FHIT: variants seen among roughly 807,000 people sequenced by gnomAD.
FHIT encodes the protein bis(5'-adenosyl)-triphosphatase.
FHIT carries 19 observed loss-of-function variants against 17.9 expected under a neutral mutation model. That is an observed-to-expected ratio of 1.06 (90% CI 0.74 to 1.56). The LOEUF (loss-of-function observed/expected upper bound fraction) is 1.56, where lower values mean the gene tolerates loss of function less well. Among genes scored for constraint, FHIT ranks in the 40% most tolerant of loss-of-function variants. FHIT has a pLI of 0.00. For missense variants in FHIT, 248 were observed against 189.2 expected (o/e 1.31, Z -1.82); for synonymous variants, 81 against 69.7 (o/e 1.16, Z -0.81).
intron 5 of FHIT, among the ~76,000 whole-genome samples, chr3:60,335,748 G>A (rs1440639390): frequency 1.3e-5 from 2 of 151,870 alleles, no homozygotes; most frequent in Non-Finnish European, 2.9e-5. Context: ...ATATTGGGTT[G>A]GATAAACTAT....
intron 1 of FHIT, among the ~76,000 whole-genome samples, chr3:61,212,623 C>T (rs1173463081): frequency 1.3e-5 from 2 of 152,088 alleles, no homozygotes; most frequent in African/African-American, 2.4e-5. Context: ...CAAGGCAGGC[C>T]AACATTCAGC....
chr3:60,107,369 A>G (rs1704470789), intron 5 of FHIT, among the ~76,000 whole-genome samples: 2 of 152,182 alleles, frequency 1.3e-5, no homozygotes, highest in African/African-American at 4.8e-5. Context: ...TTCTAATCTT[A>G]TCAGAATAAC....
At chr3:60,407,575 C>T (rs1349958058) in intron 5 of FHIT, among the ~76,000 whole-genome samples, 1 of 152,104 alleles carries the variant, frequency 6.6e-6, no homozygotes, top group East Asian at 1.9e-4. Flanking sequence ...AGTGCAGTGG[C>T]ATGATCTCAG....
At chr3:59,956,131 G>C (rs1707382152) in intron 7 of FHIT, among the ~76,000 whole-genome samples, 1 of 152,070 alleles carries the variant, frequency 6.6e-6, no homozygotes, top group African/African-American at 2.4e-5. Context: ...GCTTTTTGTA[G>C]AGCCAGGGCC....
intron 4 of FHIT, among the ~76,000 whole-genome samples, chr3:60,632,134 A>C (rs2039461033): frequency 6.6e-6 from 1 of 152,086 alleles, no homozygotes; most frequent in Admixed American, 6.6e-5. Flanking sequence ...TAAGTTTCAA[A>C]AATGGGGGAA....
intron 5 of FHIT, among the ~76,000 whole-genome samples, chr3:60,397,306 G>A (rs1490277486): frequency 1.3e-5 from 2 of 152,186 alleles, no homozygotes; most frequent in Admixed American, 1.3e-4. Flanking sequence ...GGAAAGCAGG[G>A]TAGGAAGGAA....
At chr3:61,090,724 G>A (rs192320351) in intron 2 of FHIT, among the ~76,000 whole-genome samples, 13 of 152,204 alleles carry the variant, frequency 8.5e-5, no homozygotes, top group African/African-American at 3.1e-4. Flanking sequence ...AAGAGGGAAA[G>A]GGATGATATA....
intron 3 of FHIT, among the ~76,000 whole-genome samples, chr3:60,995,467 G>A (rs1236560008): frequency 1.3e-5 from 2 of 152,146 alleles, no homozygotes; most frequent in Non-Finnish European, 2.9e-5. Flanking sequence ...AGCTGCCAAA[G>A]ATGAAGAGGG....
chr3:60,262,847 G>GA (rs1264444005), intron 5 of FHIT, among the ~76,000 whole-genome samples: 12 of 147,224 alleles, frequency 8.2e-5, no homozygotes, highest in East Asian at 5.9e-4. Flanking sequence ...AAAGTACAAA[G>GA]AAAAAAAGAT....
intron 3 of FHIT, among the ~76,000 whole-genome samples, chr3:60,892,575 T>C (rs1336407479): frequency 6.6e-6 from 1 of 152,232 alleles, no homozygotes; most frequent in Middle Eastern, 3.2e-3. Context: ...CAGAAGCAGC[T>C]ATCCTTTCTC....
chr3:60,674,695 C>T (rs2040581908), intron 4 of FHIT, among the ~76,000 whole-genome samples: 1 of 152,142 alleles, frequency 6.6e-6, no homozygotes, highest in South Asian at 2.1e-4. Context: ...ACTGAATGCC[C>T]AGGTTCTCAG....
chr3:60,672,908 C>G, intron 4 of FHIT, among the ~76,000 whole-genome samples: 1 of 14,510 alleles, frequency 6.9e-5, no homozygotes, highest in African/African-American at 1.9e-4. Flanking sequence ...TGTGTGTGTG[C>G]ATGCATGCTC....
intron 3 of FHIT, among the ~76,000 whole-genome samples, chr3:60,910,968 A>G (rs1331514651): frequency 1.3e-4 from 20 of 152,282 alleles, no homozygotes; most frequent in Admixed American, 1.3e-3. Context: ...ACCCACTTAC[A>G]AAGGGAAGAA....
intron 4 of FHIT, among the ~76,000 whole-genome samples, chr3:60,611,462 C>G (rs993602101): frequency 3.3e-5 from 5 of 152,120 alleles, no homozygotes; most frequent in Non-Finnish European, 7.4e-5. Context: ...ATTTTTCACT[C>G]ATGCAAAAAT....
chr3:60,199,253 T>G (rs1234569767), intron 5 of FHIT, among the ~76,000 whole-genome samples: 1 of 152,212 alleles, frequency 6.6e-6, no homozygotes, highest in Non-Finnish European at 1.5e-5. Context: ...TACATCATAA[T>G]CTAGAACATA....
chr3:60,256,206 T>C (rs1332594455), intron 5 of FHIT, among the ~76,000 whole-genome samples: 3 of 152,180 alleles, frequency 2.0e-5, no homozygotes, highest in South Asian at 2.1e-4. Context: ...TAAAAGTCAT[T>C]AGTAACTGAA....
intron 3 of FHIT, among the ~76,000 whole-genome samples, chr3:60,840,186 G>C (rs1342637388): frequency 6.6e-6 from 1 of 152,170 alleles, no homozygotes; most frequent in Non-Finnish European, 1.5e-5. Flanking sequence ...GAATACAATA[G>C]ACAGCGAGGA....
chr3:60,961,880 T>G (rs1199246972), intron 3 of FHIT, among the ~76,000 whole-genome samples: 3 of 152,318 alleles, frequency 2.0e-5, no homozygotes, highest in Admixed American at 6.5e-5. Flanking sequence ...CTAGCTTTGT[T>G]CTTTTGGCTT....
chr3:60,448,130 G>C (rs1368486966), intron 5 of FHIT, among the ~76,000 whole-genome samples: 5 of 152,110 alleles, frequency 3.3e-5, no homozygotes, highest in Non-Finnish European at 5.9e-5. Flanking sequence ...ATTGCTCTCG[G>C]ATTATAACGG....
Sources: gnomAD v4.1 joint callset for allele counts (sites outside exome capture counted in the v4.1 genomes callset) on GRCh38, gnomAD v4.1.1 for gene constraint, MANE v1.5 for transcripts, NCBI Gene and HGNC (gene_info 2026-07-23, HGNC 2026-07-21) for gene names.